RNF10: variants seen among roughly 807,000 people sequenced by gnomAD.
RNF10 encodes the protein E3 ubiquitin-protein ligase RNF10.
A neutral mutation model predicts 91.4 loss-of-function variants in RNF10; 38 were observed. The ratio of observed to expected loss-of-function variants is 0.42; its 90% CI spans 0.32 to 0.54. The LOEUF (loss-of-function observed/expected upper bound fraction) is 0.54. Ranked by LOEUF, RNF10 falls within the 20% of genes least tolerant of loss-of-function variation. The pLI, the probability that RNF10 is intolerant of heterozygous loss-of-function variation, is 0.16. For synonymous variants in RNF10, 364 were observed against 366.3 expected, an observed-to-expected ratio of 0.99 and a Z score of 0.07; for missense variants, 945 against 1,012.0, an observed-to-expected ratio of 0.93 and a Z score of 0.90.
At chr12:120,560,640 A>G (rs603574) in intron 6 of RNF10, 86 bp from the exon 7 acceptor site, 414,593 of 1,316,776 alleles carry the variant, frequency 0.31, 68,114 homozygotes, top group East Asian at 0.51. Flanking sequence ...CCCCAGAGAA[A>G]AGGCTGTATT....
At chr12:120,552,476 T>A in intron 2 of RNF10, 23 bp from the exon 3 acceptor site, 1 of 1,599,114 alleles carries the variant, frequency 6.3e-7, no homozygotes, top group Non-Finnish European at 8.6e-7. Flanking sequence ...TCTGAAATAC[T>A]GATTCATTCT....
intron 12 of RNF10, among the ~76,000 whole-genome samples, chr12:120,566,409 T>G (rs564838100): frequency 6.6e-6 from 1 of 152,340 alleles, no homozygotes; most frequent in East Asian, 1.9e-4. Context: ...AGCTTTTGTC[T>G]GCATCCTCTA....
intron 14 of RNF10, among the ~76,000 whole-genome samples, chr12:120,572,120 TC>T (rs1876728758): frequency 1.3e-5 from 2 of 151,726 alleles, no homozygotes; most frequent in African/African-American, 4.8e-5. Context: ...AGGCTGGAGT[TC>T]CGTGGCGCGA....
intron 2 of RNF10, among the ~76,000 whole-genome samples, chr12:120,550,377 A>G (rs1316286643): frequency 6.6e-6 from 1 of 152,086 alleles, no homozygotes; most frequent in East Asian, 1.9e-4. Flanking sequence ...TGGGCCAGCT[A>G]GGACAAGCTG....
At position 120,534,504 on chromosome 12, in the gene RNF10, C is replaced by A. The variant is rs1870428958; in HGVS notation, c.-308C>A. Reference sequence around the variant, plus strand: ...CGGCGGGAGAGCGTGTCCGGCCGGCCGGCCGGCGGGGCTCGCGCAACCTCC... The same window carrying A: ...CGGCGGGAGAGCGTGTCCGGCCGGCAGGCCGGCGGGGCTCGCGCAACCTCC... On this transcript the variant is annotated 5_prime_UTR_variant, in exon 1 of 17. Coordinates refer to ENST00000325954, the MANE Select transcript of RNF10 (RefSeq NM_014868.5). 3.8e-6 allele frequency: 1 copy of A among 260,478 alleles called. No homozygotes were observed. Among genetic ancestry groups the A allele is most frequent in the Non-Finnish European group, 6.9e-6 (1 of 144,040 alleles). 16.1% of individuals were successfully genotyped at this position (260,478 alleles called of 1,614,324 possible).
chr12:120,564,007 G>A (rs1213915667), intron 10 of RNF10, 64 bp downstream of exon 10: 1 of 1,585,058 alleles, frequency 6.3e-7, no homozygotes, highest in Non-Finnish European at 8.6e-7. Context: ...TTTGAGGTAG[G>A]CCTAGCCATC....
chr12:120,539,216 T>G (rs1871224567), intron 1 of RNF10, among the ~76,000 whole-genome samples: 1 of 152,174 alleles, frequency 6.6e-6, no homozygotes. Context: ...AAATAGAGGC[T>G]TAGCAGTGTT....
Position 120,539,375 on chromosome 12 carries a change from A to G in RNF10, c.157+4407A>G, listed in dbSNP as rs573899368. The G allele has an allele frequency of 2.3e-5, 30 of 1,285,546 alleles. No homozygotes were observed. The South Asian group carries it at 3.5e-4, about 15-fold the overall frequency. The allele number at this position is 1,285,546 out of a possible 1,614,324, so 79.6% of individuals were successfully genotyped here. A position where few individuals can be genotyped will look rare whatever the true frequency, so the allele number is the denominator to read the frequency against. On this transcript the variant is annotated intron_variant, in intron 1 of 16. Transcript: ENST00000325954. The stretch of plus-strand genomic sequence containing the variant: ...TCTCTTCCTTTCATTCAGAATTACT[A>G]ATTTCAGCTGGATTCAATTTGTTGT...
intron 8 of RNF10, 58 bp from the exon 9 acceptor site, chr12:120,563,289 C>T (rs767247967): frequency 8.3e-6 from 13 of 1,557,500 alleles, no homozygotes; most frequent in Non-Finnish European, 1.1e-5. Flanking sequence ...GCATTTGCCA[C>T]ATTGCTTTCG....
rs754775331 is a variant in RNF10 at position 120,575,625 on chromosome 12, T to G, written c.2143-6T>G. The stretch of plus-strand genomic sequence containing the variant: ...TCTCTCCCCCACTTCTTTCCCACTT[T>G]GGCAGATGCTGAGGGTTGGAAAAGC... On this transcript the variant is annotated splice_region_variant and splice_polypyrimidine_tract_variant and intron_variant, in intron 14 of 16. Coordinates refer to ENST00000325954, the MANE Select transcript of RNF10 (RefSeq NM_014868.5). 7 of 1,614,224 alleles carry G rather than the reference T, an allele frequency of 4.3e-6. No individual in the cohort carries two copies. The South Asian group carries it at 6.6e-5, about 15-fold the overall frequency.
intron 13 of RNF10, 149 bp from the exon 14 acceptor site, chr12:120,571,042 G>T (rs1238939173): frequency 5.0e-6 from 3 of 605,624 alleles, no homozygotes; most frequent in African/African-American, 1.9e-5. Context: ...GAACATGGAA[G>T]AGTTGAAAGT....
intron 14 of RNF10, among the ~76,000 whole-genome samples, chr12:120,572,900 C>T (rs1283326343): frequency 1.7e-4 from 17 of 100,608 alleles, no homozygotes; most frequent in South Asian, 3.8e-4. Context: ...TGCGCCTGGC[C>T]TTTTTTTTTT....
At chr12:120,560,644 C>A in intron 6 of RNF10, 82 bp from the exon 7 acceptor site, 2 of 1,353,226 alleles carry the variant, frequency 1.5e-6, no homozygotes, top group Non-Finnish European at 2.0e-6. Flanking sequence ...AGAGAAAAGG[C>A]TGTATTTGAA....
intron 11 of RNF10, 56 bp downstream of exon 11, chr12:120,565,245 C>A: frequency 7.6e-7 from 1 of 1,315,364 alleles, no homozygotes; most frequent in Non-Finnish European, 1.1e-6. Flanking sequence ...ATTCTTGTGG[C>A]TAGACACCCA....
At chr12:120,552,423 A>T in intron 2 of RNF10, 76 bp from the exon 3 acceptor site, 1 of 1,228,522 alleles carries the variant, frequency 8.1e-7, no homozygotes, top group Non-Finnish European at 1.2e-6. Context: ...GTGTAAAAGG[A>T]GGGTTTTTTT....
At position 120,576,936 on chromosome 12, in the gene RNF10, A is replaced by C; in HGVS notation, c.*270A>C. 1 of 408,062 alleles carries C rather than the reference A, an allele frequency of 2.5e-6. No homozygotes were observed. Among genetic ancestry groups the C allele is most frequent in the Non-Finnish European group, 4.5e-6 (1 of 222,406 alleles). 25.3% of individuals were successfully genotyped at this position (408,062 alleles called of 1,614,324 possible). A position where few individuals can be genotyped will look rare whatever the true frequency, so the allele number is the denominator to read the frequency against. ...GTTCATTGCCAGTTTAGTCTTTTTG[A>C]CCCATGTGTAATTAATTTTTCTCAA... On this transcript the variant is annotated 3_prime_UTR_variant, in exon 17 of 17. Transcript: ENST00000325954.
At position 120,565,436 on chromosome 12, in the gene RNF10, G is replaced by A. The variant is rs776639073; in HGVS notation, c.1792G>A (p.Glu598Lys). ...ACCTGACCAATCTGCAGATGACATT[G>A]AGAAGAGGAAACGTCAGCGCCAAAA... Reference protein sequence around the residue: ...ETLEMFSDDIEKRKRQRQKKA... With the variant: ...ETLEMFSDDIKKRKRQRQKKA... Residue 598 changes from glutamate (E) to lysine (K), a missense_variant, in exon 12 of 17, where the codon GAG becomes AAG. Physicochemically the swap from Glu to Lys is moderately conservative, Grantham distance 56. Transcript: ENST00000325954. 6.2e-7 allele frequency: 1 copy of A among 1,614,066 alleles called. No homozygotes were observed. Among genetic ancestry groups the A allele is most frequent in the Admixed American group, 1.7e-5 (1 of 60,002 alleles).
Position 120,534,811 on chromosome 12 carries a change from G to A in RNF10, c.-1G>A. ...TGCCGTCGCCGCCGAGGCCCCCGTT[G>A]ATGCCGCTGAGCTCCCCCAACGCCG... is the stretch of plus-strand genomic sequence containing the variant. On this transcript the variant is annotated 5_prime_UTR_variant, in exon 1 of 17. Coordinates refer to ENST00000325954, the MANE Select transcript of RNF10 (RefSeq NM_014868.5). 6.4e-7 allele frequency: 1 copy of A among 1,572,988 alleles called. No individual in the cohort carries two copies. Among genetic ancestry groups the A allele is most frequent in the Non-Finnish European group, 8.6e-7 (1 of 1,166,650 alleles).
intron 1 of RNF10, among the ~76,000 whole-genome samples, chr12:120,543,686 G>A (rs1871894282): frequency 6.6e-6 from 1 of 152,142 alleles, no homozygotes; most frequent in Non-Finnish European, 1.5e-5. Flanking sequence ...TGGAGTCCCA[G>A]CTACTTGGGG....
Sources: gnomAD v4.1 joint callset for allele counts (sites outside exome capture counted in the v4.1 genomes callset) on GRCh38, gnomAD v4.1.1 for gene constraint, MANE v1.5 for transcripts, NCBI Gene and HGNC (gene_info 2026-07-23, HGNC 2026-07-21) for gene names.